Variants in DGKI observed in about 807,000 individuals in gnomAD.
DGKI encodes the protein DAG kinase iota.
Under a neutral mutation model 147.5 loss-of-function variants are expected in DGKI, and 55 were observed. The ratio of observed to expected loss-of-function variants is 0.37; its 90% CI spans 0.30 to 0.47. The LOEUF (loss-of-function observed/expected upper bound fraction) is 0.47. Ranked by LOEUF, DGKI falls within the 20% of genes least tolerant of loss-of-function variation. DGKI has a pLI of 1.00. For synonymous variants in DGKI, 469 were observed against 477.1 expected (o/e 0.98, Z 0.22); for missense variants, 1,007 against 1,323.8 (o/e 0.76, Z 3.71).
chr7:137,430,930 C>T (rs1038015513), intron 28 of DGKI, among the ~76,000 whole-genome samples: 21 of 152,096 alleles, frequency 1.4e-4, no homozygotes, highest in Non-Finnish European at 4.4e-5. Context: ...ACTCTCCCTC[C>T]TCTCCCCGAA....
intron 1 of DGKI, among the ~76,000 whole-genome samples, chr7:137,730,127 C>T (rs931402693): frequency 6.6e-6 from 1 of 152,132 alleles, no homozygotes; most frequent in Non-Finnish European, 1.5e-5. Flanking sequence ...GCATGGCATT[C>T]ATGCCTATAG....
intron 1 of DGKI, among the ~76,000 whole-genome samples, chr7:137,745,210 T>C (rs971741940): frequency 4.6e-5 from 7 of 152,224 alleles, no homozygotes; most frequent in Non-Finnish European, 1.0e-4. Flanking sequence ...AGATACAAAC[T>C]AGCCGGTGTT....
rs147090183 is a variant in DGKI, at chr7:137,838,641, A to G, written c.401+7821T>C. ...GCTATTTCCTGAAAGACTACATGATACACAAAAGCAGTCCAACTGTCTTAT... is the reference window on the plus strand; with the variant it reads ...GCTATTTCCTGAAAGACTACATGATGCACAAAAGCAGTCCAACTGTCTTAT... On this transcript the variant is annotated intron_variant, in intron 1 of 32. Transcript: ENST00000614521. 1.9e-4 allele frequency among the ~76,000 whole-genome samples: 29 copies of G among 152,360 alleles called. No homozygotes were observed. The East Asian group carries it at 5.6e-3, about 29-fold the overall frequency.
intron 1 of DGKI, among the ~76,000 whole-genome samples, chr7:137,691,072 T>A (rs1585375796): frequency 6.6e-6 from 1 of 152,258 alleles, no homozygotes; most frequent in South Asian, 2.1e-4. Context: ...TGAAATAGAA[T>A]CAGGAGGGTC....
At chr7:137,754,429 G>GC (rs1795616711) in intron 1 of DGKI, among the ~76,000 whole-genome samples, 2 of 152,202 alleles carry the variant, frequency 1.3e-5, no homozygotes, top group South Asian at 4.1e-4. Flanking sequence ...GGGAAGAAGG[G>GC]CAGTGGGAGA....
At chr7:137,561,338 T>G (rs376554583) in intron 19 of DGKI, among the ~76,000 whole-genome samples, 1 of 152,144 alleles carries the variant, frequency 6.6e-6, no homozygotes, top group African/African-American at 2.4e-5. Flanking sequence ...CACCACACAT[T>G]CTCGTTAATT....
At chr7:137,752,814 C>A (rs1409346880) in intron 1 of DGKI, among the ~76,000 whole-genome samples, 1 of 152,126 alleles carries the variant, frequency 6.6e-6, no homozygotes, top group Non-Finnish European at 1.5e-5. Context: ...AAGCTCCCGG[C>A]CGAATAAAGC....
At chr7:137,444,126 T>C in intron 27 of DGKI, 24 bp from the exon 28 acceptor site, 1 of 1,327,810 alleles carries the variant, frequency 7.5e-7, no homozygotes, top group Non-Finnish European at 1.0e-6. Context: ...ATAAGCATGA[T>C]CAATATTTTA....
In DGKI at chr7:137,624,612, G is replaced by GT. The variant is rs566489222; in HGVS notation, c.805-1059dup. Among the ~76,000 whole-genome samples the GT allele has an allele frequency of 8.4e-3, 1,230 of 146,912 alleles. 9 individuals are homozygous for GT. Among genetic ancestry groups the GT allele is most frequent in the South Asian group, 0.027 (125 of 4,584 alleles). Reference sequence around the variant, plus strand: ...TTGAACCTCTCTCGTTTTTGTTTTTGTTTTTTTTTTGAGACGGGATCTTGG... The same window carrying GT: ...TTGAACCTCTCTCGTTTTTGTTTTTGTTTTTTTTTTTGAGACGGGATCTTGG... On this transcript the variant is annotated intron_variant, in intron 6 of 32. Transcript: ENST00000614521.
chr7:137,828,522 T>C (rs1381601143), intron 1 of DGKI, among the ~76,000 whole-genome samples: 3 of 152,166 alleles, frequency 2.0e-5, no homozygotes, highest in African/African-American at 7.2e-5. Flanking sequence ...TTGAGATGCA[T>C]GTATTTCATT....
intron 29 of DGKI, among the ~76,000 whole-genome samples, chr7:137,411,118 T>C (rs963049387): frequency 2.6e-5 from 4 of 152,360 alleles, no homozygotes; most frequent in Middle Eastern, 3.4e-3. Flanking sequence ...ACTGTTCAGC[T>C]TTCTCTTAGG....
At chr7:137,817,660 A>C (rs564047739) in intron 1 of DGKI, among the ~76,000 whole-genome samples, 49 of 152,314 alleles carry the variant, frequency 3.2e-4, no homozygotes, top group African/African-American at 1.1e-3. Flanking sequence ...AGATGTGAGG[A>C]TATTTGGTAG....
At chr7:137,445,451 C>T (rs2113578) in intron 27 of DGKI, among the ~76,000 whole-genome samples, 54,559 of 152,014 alleles carry the variant, frequency 0.36, 10,344 homozygotes, top group East Asian at 0.63. Context: ...CTAGTCAACA[C>T]TGCCTGAGAA....
chr7:137,409,056 A>C (rs985891264), intron 29 of DGKI, among the ~76,000 whole-genome samples: 3 of 152,212 alleles, frequency 2.0e-5, no homozygotes, highest in African/African-American at 4.8e-5. Flanking sequence ...TTGTAGGATG[A>C]CTATAGTTAA....
chr7:137,463,368 G>T (rs1814523981), intron 27 of DGKI, 121 bp downstream of exon 27: 3 of 1,387,598 alleles, frequency 2.2e-6, no homozygotes, highest in Non-Finnish European at 2.9e-6. Context: ...AGTAGCACCT[G>T]CATGAGACAG....
intron 23 of DGKI, among the ~76,000 whole-genome samples, chr7:137,472,037 CTA>C (rs1402099033): frequency 7.9e-6 from 1 of 126,908 alleles, no homozygotes; most frequent in Non-Finnish European, 1.6e-5. Flanking sequence ...TATATACACA[CTA>C]TATATGTATA....
intron 7 of DGKI, among the ~76,000 whole-genome samples, chr7:137,622,785 CAAAT>C (rs755968228): frequency 1.3e-5 from 2 of 151,854 alleles, no homozygotes; most frequent in Non-Finnish European, 2.9e-5. Context: ...CATGTACAAA[CAAAT>C]AAGAAAATGT....
intron 24 of DGKI, among the ~76,000 whole-genome samples, chr7:137,468,995 G>GGA (rs1468559351): frequency 6.6e-6 from 1 of 152,124 alleles, no homozygotes; most frequent in Non-Finnish European, 1.5e-5. Flanking sequence ...GCAGCATCTA[G>GGA]GAGAGAGATA....
At chr7:137,809,070 G>T (rs1376235304) in intron 1 of DGKI, among the ~76,000 whole-genome samples, 1 of 152,052 alleles carries the variant, frequency 6.6e-6, no homozygotes, top group Non-Finnish European at 1.5e-5. Context: ...CTTCCTTGAT[G>T]ATTCAGATAC....
Sources: allele counts gnomAD v4.1 joint callset (sites outside exome capture counted in the v4.1 genomes callset), GRCh38; gene constraint gnomAD v4.1.1; transcripts MANE v1.5; gene names NCBI Gene and HGNC (gene_info 2026-07-23, HGNC 2026-07-21).